The following TENM2 variants were observed in gnomAD, a reference collection of about 807,000 sequenced individuals.
TENM2 encodes the protein teneurin transmembrane protein 2.
TENM2 carries 52 observed loss-of-function variants against 245.2 expected under a neutral mutation model. That is an observed-to-expected ratio of 0.21 (90% CI 0.17 to 0.27). TENM2 has a LOEUF of 0.27. TENM2 is among the 10% of genes least tolerant of loss of function. TENM2 has a pLI of 1.00. For synonymous variants in TENM2, 1,363 were observed against 1,438.9 expected (o/e 0.95, Z 1.19); for missense variants, 3,046 against 3,666.8 (o/e 0.83, Z 4.37).
chr5:167,181,456 A>G, the TENM2 span, among the ~76,000 whole-genome samples: 1 of 104,854 alleles, frequency 9.5e-6, no homozygotes, highest in Non-Finnish European at 1.8e-5. Context: ...TTTCCTAGGG[A>G]GCCGCTCGTT....
At chr5:168,109,772 A>G (rs977526724) in intron 9 of TENM2, among the ~76,000 whole-genome samples, 2 of 152,178 alleles carry the variant, frequency 1.3e-5, no homozygotes, top group Non-Finnish European at 2.9e-5. Flanking sequence ...GCCCAAAGAG[A>G]ACAGAGATCG....
At chr5:167,988,642 A>C (rs1315894869) in intron 4 of TENM2, among the ~76,000 whole-genome samples, 1 of 152,188 alleles carries the variant, frequency 6.6e-6, no homozygotes, top group Non-Finnish European at 1.5e-5. Flanking sequence ...GGATAATATG[A>C]TGGATGGAGT....
chr5:167,835,884 T>C (rs987154350), intron 2 of TENM2, among the ~76,000 whole-genome samples: 3 of 152,162 alleles, frequency 2.0e-5, no homozygotes, highest in Admixed American at 6.5e-5. Context: ...TAGGAGGTGG[T>C]TGGGAGGAAG....
At chr5:167,058,345 G>T in the TENM2 span, among the ~76,000 whole-genome samples, 1 of 152,164 alleles carries the variant, frequency 6.6e-6, no homozygotes, top group African/African-American at 2.4e-5. Flanking sequence ...TCAATCTAGA[G>T]ATAGTTGACC....
chr5:167,176,528 G>A, the TENM2 span, among the ~76,000 whole-genome samples: 1 of 152,206 alleles, frequency 6.6e-6, no homozygotes, highest in Non-Finnish European at 1.5e-5. Flanking sequence ...ACTTAGAAAG[G>A]AAGGTATAAA....
At chr5:167,316,124 T>A (rs113465358) in intron 1 of TENM2, among the ~76,000 whole-genome samples, 43 of 152,342 alleles carry the variant, frequency 2.8e-4, no homozygotes, top group African/African-American at 1.0e-3. Flanking sequence ...TCATGCTTCT[T>A]GATCTAAGAT....
chr5:168,004,498 TGCACGCATGCGCGCGC>T (rs749768405), intron 5 of TENM2, among the ~76,000 whole-genome samples: 8 of 106,274 alleles, frequency 7.5e-5, no homozygotes, highest in African/African-American at 3.4e-4. Context: ...CCATTTGGGA[TGCACGCATGCGCGCGC>T]GCGCACACAC....
intron 2 of TENM2, among the ~76,000 whole-genome samples, chr5:167,596,711 C>T (rs1382620796): frequency 2.7e-5 from 4 of 150,706 alleles, no homozygotes; most frequent in African/African-American, 4.9e-5. Context: ...CAGGAGAGTG[C>T]TGTGAACCCG....
chr5:167,324,229 G>C (rs1011133001), intron 1 of TENM2, among the ~76,000 whole-genome samples: 4 of 152,190 alleles, frequency 2.6e-5, no homozygotes, highest in African/African-American at 9.7e-5. Context: ...GCTTTCATCA[G>C]CAGCTCAGTT....
chr5:167,397,532 G>A lies in TENM2; in HGVS notation c.502+22059G>A, dbSNP rs1019150743. 2.0e-5 allele frequency among the ~76,000 whole-genome samples: 3 copies of A among 152,074 alleles called. No individual in the cohort carries two copies. In the East Asian group the frequency reaches 5.8e-4, roughly 29 times the overall value. On this transcript the variant is annotated intron_variant, in intron 2 of 28. Transcript: ENST00000518659. ...TGTGTCCATGATTCAATATAAAACT[G>A]ACCCTTCTCATTTTGAAGAGATAAC...
At chr5:167,993,513 T>C (rs1783826635) in intron 5 of TENM2, among the ~76,000 whole-genome samples, 2 of 152,232 alleles carry the variant, frequency 1.3e-5, no homozygotes, top group African/African-American at 4.8e-5. Flanking sequence ...TCTCCATCCT[T>C]GGATTTTAAC....
At chr5:167,584,425 C>T (rs900695615) in intron 2 of TENM2, among the ~76,000 whole-genome samples, 1 of 152,138 alleles carries the variant, frequency 6.6e-6, no homozygotes. Context: ...TACAAAGTTA[C>T]ACTCTCTGCA....
chr5:167,093,580 C>T, the TENM2 span, among the ~76,000 whole-genome samples: 9 of 152,208 alleles, frequency 5.9e-5, no homozygotes, highest in East Asian at 1.4e-3. Flanking sequence ...TTAAGGTTTC[C>T]GAATGTTGTT....
At chr5:168,081,052 T>A (rs960479362) in intron 7 of TENM2, among the ~76,000 whole-genome samples, 1 of 152,176 alleles carries the variant, frequency 6.6e-6, no homozygotes, top group Admixed American at 6.5e-5. Context: ...CCCATTATTA[T>A]TGTGTGGGAG....
chr5:168,108,547 C>A (rs1304552795), intron 9 of TENM2, among the ~76,000 whole-genome samples: 2 of 152,220 alleles, frequency 1.3e-5, no homozygotes, highest in African/African-American at 4.8e-5. Context: ...ACCTTCACAA[C>A]AAGCCTTTGC....
intron 2 of TENM2, among the ~76,000 whole-genome samples, chr5:167,428,254 A>G (rs1313611615): frequency 6.6e-6 from 1 of 152,246 alleles, no homozygotes; most frequent in Non-Finnish European, 1.5e-5. Context: ...TTAGTAGGAA[A>G]TGAATCTAAA....
At chr5:168,060,234 A>G (rs1789918976) in intron 6 of TENM2, among the ~76,000 whole-genome samples, 1 of 151,458 alleles carries the variant, frequency 6.6e-6, no homozygotes, top group Non-Finnish European at 1.5e-5. Context: ...TACGAAAAAA[A>G]AAAAAAAAGA....
In TENM2 at chr5:168,049,287, A is replaced by T. The variant is rs548842815; in HGVS notation, c.1309+1738A>T. On this transcript the variant is annotated intron_variant, in intron 6 of 28. Transcript: ENST00000518659. ...GTGCTGCCCTTGGAAACTCCACTTT[A>T]TGGGGTCTCCGTCACGTTTTATCCA... Among the ~76,000 whole-genome samples the T allele has an allele frequency of 3.9e-5, 6 of 152,258 alleles. No individual in the cohort carries two copies. In the South Asian group the frequency reaches 1.0e-3, roughly 26 times the overall value.
chr5:167,192,701 TCTC>T, the TENM2 span, among the ~76,000 whole-genome samples: 6 of 152,156 alleles, frequency 3.9e-5, no homozygotes, highest in African/African-American at 1.4e-4. Context: ...GGAACCCAAT[TCTC>T]CTCTGTTGAT....
Sources: allele counts gnomAD v4.1 joint callset (sites outside exome capture counted in the v4.1 genomes callset), GRCh38; gene constraint gnomAD v4.1.1; transcripts MANE v1.5; gene names NCBI Gene and HGNC (gene_info 2026-07-23, HGNC 2026-07-21).